Variants in CDK7 observed in about 807,000 individuals in gnomAD.
CDK7 encodes cyclin dependent kinase 7.
In CDK7, 25 loss-of-function variants were observed where a neutral mutation model predicts 49.1. The ratio of observed to expected loss-of-function variants is 0.51; its 90% CI spans 0.37 to 0.71. CDK7 has a LOEUF of 0.71. CDK7 is among the 30% of genes least tolerant of loss of function. CDK7 has a pLI of 0.00. For missense variants in CDK7, 316 were observed against 411.7 expected, an observed-to-expected ratio of 0.77 and a Z score of 2.01; for synonymous variants, 107 against 140.0, an observed-to-expected ratio of 0.76 and a Z score of 1.67.
chr5:69,276,689 A>C lies in CDK7; in HGVS notation c.1011A>C (p.Gln337His). 6.2e-7 allele frequency: 1 copy of C among 1,611,156 alleles called. No individual in the cohort carries two copies. The highest frequency in any genetic ancestry group is 8.5e-7 in the Non-Finnish European group (1 of 1,179,226). Residue 337 changes from glutamine (Q) to histidine (H), a missense_variant and splice_region_variant, in exon 11 of 12, where the codon CAA becomes CAC. Transcript: ENST00000256443. ...GGAAAAGAACAGAGGCCTTAGAACA[A>C]GGTAAGATTCCCACTTTTAAAAGAA... is the stretch of plus-strand genomic sequence containing the variant. ...IKRKRTEALE[Q>H]GGLPKKLIF
chr5:69,244,099 G>A lies in CDK7; in HGVS notation c.127-8319G>A, dbSNP rs1349359745. On this transcript the variant is annotated intron_variant, in intron 2 of 11. Transcript: ENST00000256443. ...CGCCTGCCTTGGCCTCCCAAAATGC[G>A]GGGATTACAGGCGTGAGCCACCATA... Among the ~76,000 whole-genome samples the A allele has an allele frequency of 2.6e-5, 4 of 151,898 alleles. 1 individual carries two copies. Among genetic ancestry groups the A allele is most frequent in the South Asian group, 4.1e-4 (2 of 4,822 alleles).
intron 2 of CDK7, chr5:69,250,797 G>A (rs951486710): frequency 7.9e-5 from 36 of 456,542 alleles, no homozygotes; most frequent in Non-Finnish European, 1.6e-4. Context: ...CATACCTGAA[G>A]CCAATATGTC....
At chr5:69,253,621 T>C (rs1364664686) in intron 3 of CDK7, among the ~76,000 whole-genome samples, 2 of 152,200 alleles carry the variant, frequency 1.3e-5, no homozygotes, top group African/African-American at 4.8e-5. Context: ...ATCTTATCAC[T>C]AGTTTGCTTT....
At position 69,276,676 on chromosome 5, in the gene CDK7, AG is replaced by A; in HGVS notation, c.1000del (p.Ala334ProfsTer2). On this transcript the variant is annotated frameshift_variant, in exon 11 of 12. Transcript: ENST00000256443. LOFTEE classifies it high-confidence loss of function. Reference sequence around the variant, plus strand: ...TTGGCAATAAAAAGGAAAAGAACAGAGGCCTTAGAACAAGGTAAGATTCCCA... The same window carrying A: ...TTGGCAATAAAAAGGAAAAGAACAGAGCCTTAGAACAAGGTAAGATTCCCA... ...PALAIKRKRT[E>X]ALEQGGLPKK... 6.2e-7 allele frequency: 1 copy of A among 1,614,132 alleles called. No individual in the cohort carries two copies. Among genetic ancestry groups the A allele is most frequent in the Non-Finnish European group, 8.5e-7 (1 of 1,179,956 alleles).
intron 9 of CDK7, among the ~76,000 whole-genome samples, chr5:69,271,668 C>A (rs1034385864): frequency 6.6e-6 from 1 of 152,064 alleles, no homozygotes; most frequent in South Asian, 2.1e-4. Context: ...TGCACCACCA[C>A]GCCCAGCTAG....
intron 3 of CDK7, 102 bp downstream of exon 3, chr5:69,252,553 A>G: frequency 1.5e-6 from 1 of 668,014 alleles, no homozygotes; most frequent in Non-Finnish European, 2.4e-6. Context: ...TCTGTCACCC[A>G]GGCTGGAGTA....
At chr5:69,271,103 C>G (rs1363786197) in intron 9 of CDK7, among the ~76,000 whole-genome samples, 1 of 152,164 alleles carries the variant, frequency 6.6e-6, no homozygotes, top group African/African-American at 2.4e-5. Context: ...ATGAATGCTC[C>G]AGTTTCTTGG....
At chr5:69,265,942 G>A (rs1326781588) in intron 8 of CDK7, among the ~76,000 whole-genome samples, 1 of 151,948 alleles carries the variant, frequency 6.6e-6, no homozygotes, top group Non-Finnish European at 1.5e-5. Context: ...CAAGAAATTA[G>A]CCAGACTTGG....
At chr5:69,248,801 T>C (rs1749929243) in intron 2 of CDK7, among the ~76,000 whole-genome samples, 1 of 114,430 alleles carries the variant, frequency 8.7e-6, no homozygotes, top group African/African-American at 4.6e-5. Context: ...TTTTTTTTTT[T>C]CTTTTTTTTT....
intron 10 of CDK7, among the ~76,000 whole-genome samples, chr5:69,273,882 G>A (rs2150238938): frequency 6.6e-6 from 1 of 152,238 alleles, no homozygotes; most frequent in Middle Eastern, 3.4e-3. Context: ...AATATATATG[G>A]AGATGGATGG....
chr5:69,246,405 G>A (rs1053521460), intron 2 of CDK7, among the ~76,000 whole-genome samples: 5 of 152,096 alleles, frequency 3.3e-5, no homozygotes, highest in Non-Finnish European at 5.9e-5. Flanking sequence ...AAAGTCCTGG[G>A]ATTACAGGTG....
chr5:69,263,754 G>T (rs1750978330), intron 8 of CDK7, among the ~76,000 whole-genome samples: 1 of 152,100 alleles, frequency 6.6e-6, no homozygotes, highest in Admixed American at 6.6e-5. Context: ...TCCATTCATG[G>T]CCAAGAAGAA....
intron 9 of CDK7, among the ~76,000 whole-genome samples, chr5:69,270,162 A>G (rs568095180): frequency 2.7e-4 from 39 of 145,634 alleles, no homozygotes; most frequent in Admixed American, 2.2e-3. Flanking sequence ...GTGGCTGGGC[A>G]CAATGGCTCA....
intron 8 of CDK7, 85 bp from the exon 9 acceptor site, chr5:69,269,122 G>C: frequency 2.5e-6 from 2 of 797,186 alleles, no homozygotes; most frequent in Non-Finnish European, 4.1e-6. Context: ...CTGGGTGACA[G>C]AGCGAGACTC....
intron 2 of CDK7, among the ~76,000 whole-genome samples, chr5:69,250,243 T>C (rs1364066414): frequency 1.3e-5 from 2 of 152,234 alleles, no homozygotes; most frequent in Non-Finnish European, 2.9e-5. Flanking sequence ...TCAAAGGGAA[T>C]AGAGTGTTGC....
intron 4 of CDK7, 144 bp downstream of exon 4, chr5:69,254,813 T>C: frequency 1.7e-6 from 1 of 580,488 alleles, no homozygotes; most frequent in Non-Finnish European, 3.1e-6. Flanking sequence ...ATCCCAGTTG[T>C]TTTGGTAGGC....
rs1055554916 is a variant in CDK7, at chr5:69,252,379, C to T, written c.127-39C>T. The T allele has an allele frequency of 2.4e-6, 3 of 1,234,700 alleles. No homozygotes were observed. In the African/African-American group the frequency reaches 4.6e-5, roughly 19 times the overall value. The allele number at this position is 1,234,700 out of a possible 1,614,324, so 76.5% of individuals were successfully genotyped here. The stretch of plus-strand genomic sequence containing the variant: ...TTCATTGATTCTAAATAATTTAACA[C>T]ATTTTTAATATATTTGGGTTTTTTT... On this transcript the variant is annotated intron_variant, in intron 2 of 11. Coordinates refer to ENST00000256443, the MANE Select transcript of CDK7 (RefSeq NM_001799.4).
At chr5:69,272,859 C>A in intron 9 of CDK7, 33 bp from the exon 10 acceptor site, 1 of 1,459,986 alleles carries the variant, frequency 6.8e-7, no homozygotes, top group Non-Finnish European at 9.4e-7. Flanking sequence ...TGCCTTTAAT[C>A]CTTAAGTTTG....
intron 2 of CDK7, among the ~76,000 whole-genome samples, chr5:69,248,790 C>CTTTTTT (rs61331502): frequency 4.5e-5 from 5 of 110,470 alleles, no homozygotes; most frequent in African/African-American, 9.9e-5. Flanking sequence ...ACCTTCTTTT[C>CTTTTTT]TTTTTTTTTT....
Sources: gnomAD v4.1 joint callset for allele counts (sites outside exome capture counted in the v4.1 genomes callset) on GRCh38, gnomAD v4.1.1 for gene constraint, MANE v1.5 for transcripts, NCBI Gene and HGNC (gene_info 2026-07-23, HGNC 2026-07-21) for gene names.